The following UST variants were observed in gnomAD, a reference collection of about 807,000 sequenced individuals.
The protein encoded by UST is uronyl 2-sulfotransferase, also known as chondroitin sulfate 2-O-sulfotransferase.
UST carries 21 observed loss-of-function variants against 45.6 expected under a neutral mutation model. The observed-to-expected ratio is 0.46, with a 90% confidence interval of 0.33 to 0.66. The LOEUF (loss-of-function observed/expected upper bound fraction) is 0.66, where lower values mean the gene tolerates loss of function less well. UST is among the 30% of genes least tolerant of loss of function. The pLI is 0.02. For missense variants in UST, 463 were observed against 512.4 expected, an observed-to-expected ratio of 0.90 and a Z score of 0.93; for synonymous variants, 215 against 200.6, an observed-to-expected ratio of 1.07 and a Z score of -0.61.
rs747629710 is a variant in UST, at chr6:148,953,843, T to C, written c.448-29T>C. ...ATATGGCTTGGTAAATTAGATCCTA[T>C]ATATGCTAATTTTTACTTTTTTTAA... On this transcript the variant is annotated intron_variant, in intron 3 of 7. Transcript: ENST00000367463. 30 of 1,404,224 alleles carry C rather than the reference T, an allele frequency of 2.1e-5. No homozygotes were observed. In the Admixed American group the frequency reaches 6.1e-4, roughly 28 times the overall value. 87.0% of individuals were successfully genotyped at this position (1,404,224 alleles called of 1,614,324 possible). A position where few individuals can be genotyped will look rare whatever the true frequency, so the allele number is the denominator to read the frequency against.
chr6:148,961,410 T>C (rs1780655235), intron 4 of UST, among the ~76,000 whole-genome samples: 2 of 152,210 alleles, frequency 1.3e-5, no homozygotes, highest in Admixed American at 1.3e-4. Context: ...CACCACAATT[T>C]TTTAGCGCTC....
chr6:149,014,482 G>A (rs967253931), intron 5 of UST, among the ~76,000 whole-genome samples: 5 of 152,216 alleles, frequency 3.3e-5, no homozygotes, highest in Admixed American at 6.5e-5. Flanking sequence ...CCAGCCAACA[G>A]GGAAGAGAGT....
At chr6:148,954,044 C>A in intron 4 of UST, 93 bp downstream of exon 4, 2 of 950,500 alleles carry the variant, frequency 2.1e-6, no homozygotes, top group Admixed American at 3.2e-5. Context: ...AGTGCAATTG[C>A]CCTTGAAAAG....
At chr6:148,856,315 C>T (rs187712496) in intron 1 of UST, among the ~76,000 whole-genome samples, 8 of 151,914 alleles carry the variant, frequency 5.3e-5, no homozygotes, top group Non-Finnish European at 7.4e-5. Context: ...TGTGGCCAGC[C>T]GAAAAATATG....
At chr6:148,982,318 C>T (rs1437332763) in intron 5 of UST, among the ~76,000 whole-genome samples, 2 of 152,026 alleles carry the variant, frequency 1.3e-5, no homozygotes, top group Non-Finnish European at 2.9e-5. Flanking sequence ...AGGCTGGTCT[C>T]GAACACTTGA....
At chr6:148,852,498 A>G (rs567537980) in intron 1 of UST, among the ~76,000 whole-genome samples, 1 of 152,262 alleles carries the variant, frequency 6.6e-6, no homozygotes, top group African/African-American at 2.4e-5. Context: ...TTTTACTGAA[A>G]TATATATTAC....
chr6:148,978,372 T>C (rs1370720508), intron 5 of UST, among the ~76,000 whole-genome samples: 2 of 152,140 alleles, frequency 1.3e-5, no homozygotes, highest in East Asian at 3.8e-4. Context: ...CACATGCACA[T>C]GTGTGTTTAT....
intron 7 of UST, among the ~76,000 whole-genome samples, chr6:149,059,016 A>G (rs749545741): frequency 2.0e-5 from 3 of 152,264 alleles, no homozygotes; most frequent in African/African-American, 4.8e-5. Flanking sequence ...GGTCTGGGCC[A>G]TGATGCCGAA....
intron 5 of UST, among the ~76,000 whole-genome samples, chr6:148,997,484 A>C (rs1412416602): frequency 6.6e-6 from 1 of 152,240 alleles, no homozygotes; most frequent in East Asian, 1.9e-4. Flanking sequence ...GAATGAAAAA[A>C]TGAATTAGAA....
chr6:148,827,314 C>T (rs984118838), intron 1 of UST, among the ~76,000 whole-genome samples: 1 of 152,024 alleles, frequency 6.6e-6, no homozygotes, highest in Non-Finnish European at 1.5e-5. Flanking sequence ...GAGTCTGTAG[C>T]CTTTCATTGA....
intron 1 of UST, among the ~76,000 whole-genome samples, chr6:148,846,466 A>G (rs561247224): frequency 4.9e-4 from 74 of 151,914 alleles, no homozygotes; most frequent in Non-Finnish European, 1.5e-5. Flanking sequence ...GGGAGGGGGG[A>G]AGGATAGCAT....
chr6:148,891,849 C>G (rs11756841), intron 2 of UST, among the ~76,000 whole-genome samples: 5 of 152,010 alleles, frequency 3.3e-5, no homozygotes, highest in Non-Finnish European at 7.4e-5. Context: ...TGCAGTGAAC[C>G]TTTTCACATC....
At chr6:148,843,543 AGTTGTCTCATT>A (rs1777926477) in intron 1 of UST, among the ~76,000 whole-genome samples, 1 of 152,204 alleles carries the variant, frequency 6.6e-6, no homozygotes, top group Non-Finnish European at 1.5e-5. Flanking sequence ...AAAATACACA[AGTTGTCTCATT>A]TAATCATGAA....
chr6:148,816,518 A>G (rs1247886571), intron 1 of UST, among the ~76,000 whole-genome samples: 1 of 152,246 alleles, frequency 6.6e-6, no homozygotes, highest in African/African-American at 2.4e-5. Context: ...TGTGTAAAAG[A>G]AGTTAATAGA....
intron 7 of UST, among the ~76,000 whole-genome samples, chr6:149,031,896 C>T (rs899307810): frequency 2.0e-5 from 3 of 152,112 alleles, no homozygotes; most frequent in African/African-American, 7.2e-5. Flanking sequence ...TTAAAGGGTG[C>T]GTAGGAGTTT....
chr6:148,990,425 A>G (rs1020426862), intron 5 of UST: 146 of 985,118 alleles, frequency 1.5e-4, no homozygotes, highest in Non-Finnish European at 1.7e-4. Flanking sequence ...ATGTTTCATG[A>G]TAAGGTAACT....
intron 1 of UST, among the ~76,000 whole-genome samples, chr6:148,852,517 A>G (rs1778126830): frequency 6.6e-6 from 1 of 152,120 alleles, no homozygotes; most frequent in African/African-American, 2.4e-5. Flanking sequence ...ACAGTCTCTT[A>G]CCATGTAAGC....
intron 1 of UST, among the ~76,000 whole-genome samples, chr6:148,859,503 T>C (rs995528426): frequency 2.0e-5 from 3 of 152,222 alleles, no homozygotes; most frequent in African/African-American, 7.2e-5. Flanking sequence ...TTTAATTAGA[T>C]CCCATTTGTC....
At chr6:148,874,178 C>T (rs1374933651) in intron 1 of UST, among the ~76,000 whole-genome samples, 1 of 152,212 alleles carries the variant, frequency 6.6e-6, no homozygotes, top group Non-Finnish European at 1.5e-5. Flanking sequence ...CCATTTCTAC[C>T]TGCATAAGAT....
Sources: gnomAD v4.1 joint callset for allele counts (sites outside exome capture counted in the v4.1 genomes callset) on GRCh38, gnomAD v4.1.1 for gene constraint, MANE v1.5 for transcripts, NCBI Gene and HGNC (gene_info 2026-07-23, HGNC 2026-07-21) for gene names.